The following PAFAH1B2 variants were observed in gnomAD, a reference collection of about 807,000 sequenced individuals.
The protein encoded by PAFAH1B2 is platelet-activating factor acetylhydrolase IB subunit alpha2.
Under a neutral mutation model 28.0 loss-of-function variants are expected in PAFAH1B2, and 8 were observed. That is an observed-to-expected ratio of 0.29 (90% confidence interval 0.17 to 0.52). The LOEUF (loss-of-function observed/expected upper bound fraction) is 0.52, where lower values mean the gene tolerates loss of function less well. Ranked by LOEUF, PAFAH1B2 falls within the 20% of genes least tolerant of loss-of-function variation. The pLI, the probability that PAFAH1B2 is intolerant of heterozygous loss-of-function variation, is 0.97. For synonymous variants in PAFAH1B2, 104 were observed against 103.2 expected (o/e 1.01, Z -0.05); for missense variants, 190 against 282.6 (o/e 0.67, Z 2.35).
chr11:117,150,160 C>T (rs769175960), intron 1 of PAFAH1B2, among the ~76,000 whole-genome samples: 4 of 152,092 alleles, frequency 2.6e-5, no homozygotes, highest in Non-Finnish European at 5.9e-5. Context: ...CAAAACCTCC[C>T]ACATTGTTTA....
chr11:117,156,846 C>A (rs1163008588), intron 2 of PAFAH1B2, among the ~76,000 whole-genome samples: 2 of 151,968 alleles, frequency 1.3e-5, no homozygotes, highest in Admixed American at 6.6e-5. Context: ...AAAACCCCAT[C>A]TTTACAAAAA....
intron 2 of PAFAH1B2, among the ~76,000 whole-genome samples, chr11:117,158,991 G>C (rs1359183968): frequency 6.6e-6 from 1 of 152,172 alleles, no homozygotes. Flanking sequence ...TTGCTGATTA[G>C]GGTGAAGAAT....
In PAFAH1B2 at chr11:117,170,908, G is replaced by A; in HGVS notation, c.*3209G>A. 1 of 1,059,764 alleles carries A rather than the reference G, an allele frequency of 9.4e-7. No individual in the cohort carries two copies. Among genetic ancestry groups the A allele is most frequent in the Non-Finnish European group, 1.1e-6 (1 of 875,780 alleles). The allele number at this position is 1,059,764 out of a possible 1,614,324, so 65.6% of individuals were successfully genotyped here. On this transcript the variant is annotated 3_prime_UTR_variant, in exon 6 of 6. Transcript: ENST00000527958. Reference sequence around the variant, plus strand: ...GTCCCCCAGGTTTCTTGGTGTTCCTGCTTGGGGATCACTGCTGCTAGCTGA... The same window carrying A: ...GTCCCCCAGGTTTCTTGGTGTTCCTACTTGGGGATCACTGCTGCTAGCTGA...
In PAFAH1B2 at chr11:117,161,168, A is replaced by G. The variant is rs143865788; in HGVS notation, c.195A>G (p.Pro65=). 3.8e-6 allele frequency: 6 copies of G among 1,591,184 alleles called. No homozygotes were observed. The highest frequency in any genetic ancestry group is 1.9e-5 in the Admixed American group (1 of 51,906). ...AGATATGGCGAGAGCTTTTTTCCCC[A>G]CTTCATGCACTGAATTTTGGAATTG... ...QYEIWRELFS[P]LHALNFGIGG... is the part of the protein sequence containing the mutation. The change falls in exon 4 of 6, where the codon CCA becomes CCG. Residue 65 remains proline (P), a synonymous_variant. Transcript: ENST00000527958.
chr11:117,146,217 T>A (rs1405984041), intron 1 of PAFAH1B2, among the ~76,000 whole-genome samples: 1 of 150,918 alleles, frequency 6.6e-6, no homozygotes, highest in East Asian at 1.9e-4. Context: ...TGCCTCCCGG[T>A]TCAAGCTTAT....
Position 117,167,941 on chromosome 11 carries a change from C to A in PAFAH1B2, c.*242C>A. On this transcript the variant is annotated 3_prime_UTR_variant, in exon 6 of 6. Transcript: ENST00000527958. ...AAATTCATTTGAAACCAGAAGGGGA[C>A]TTTTTAGTTGTATGTGTAACACATT... The A allele has an allele frequency of 8.8e-7, 1 of 1,139,454 alleles. No individual in the cohort carries two copies. Among genetic ancestry groups the A allele is most frequent in the Non-Finnish European group, 1.1e-6 (1 of 928,728 alleles). 70.6% of individuals were successfully genotyped at this position (1,139,454 alleles called of 1,614,324 possible).
At position 117,144,894 on chromosome 11, in the gene PAFAH1B2, C is replaced by G. The variant is rs116616885; in HGVS notation, c.-8+476C>G. On this transcript the variant is annotated intron_variant, in intron 1 of 5. Coordinates refer to ENST00000527958, the MANE Select transcript of PAFAH1B2 (RefSeq NM_002572.4). ...GGGGTCTAACTTCTCACTCTTCTCT[C>G]CCCTCGCGTCTGGTCGGAGGCCAAA... Among the ~76,000 whole-genome samples the G allele has an allele frequency of 9.7e-3, 1,471 of 152,348 alleles. 25 individuals carry two copies. The highest frequency in any genetic ancestry group is 0.032 in the African/African-American group (1,330 of 41,590).
At chr11:117,165,075 C>A (rs1358564515) in intron 5 of PAFAH1B2, among the ~76,000 whole-genome samples, 1 of 149,846 alleles carries the variant, frequency 6.7e-6, no homozygotes, top group Non-Finnish European at 1.5e-5. Context: ...CCTGCCTCAG[C>A]CTCCCGAGTA....
rs180817545 is a variant in PAFAH1B2 at position 117,148,199 on chromosome 11, G to A, written c.-8+3781G>A. Among the ~76,000 whole-genome samples the A allele has an allele frequency of 2.2e-4, 33 of 151,744 alleles. No individual in the cohort carries two copies. The East Asian group carries it at 6.0e-3, about 28-fold the overall frequency. Reference sequence around the variant, plus strand: ...CCTGAGTAGCTGGGATTACAAGTATGTGCCACCCAACCTGGCTAATCTTTT... The same window carrying A: ...CCTGAGTAGCTGGGATTACAAGTATATGCCACCCAACCTGGCTAATCTTTT... On this transcript the variant is annotated intron_variant, in intron 1 of 5. Transcript: ENST00000527958.
downstream of PAFAH1B2, among the ~76,000 whole-genome samples, chr11:117,174,118 A>G (rs1342446939): frequency 6.7e-6 from 1 of 150,030 alleles, no homozygotes; most frequent in African/African-American, 2.5e-5. Flanking sequence ...TAATCCATTT[A>G]CTGTGATTCT....
At chr11:117,161,506 G>A (rs1956368401) in intron 4 of PAFAH1B2, among the ~76,000 whole-genome samples, 1 of 122,274 alleles carries the variant, frequency 8.2e-6, no homozygotes, top group African/African-American at 3.1e-5. Context: ...TTAAGTTGAA[G>A]GAAGAGTTTT....
exon 6 of PAFAH1B2, chr11:117,176,281 T>G (rs185987379): frequency 1.9e-5 from 7 of 374,898 alleles, no homozygotes; most frequent in African/African-American, 1.0e-4. Context: ...TCAAGTATGC[T>G]GTGCTTGGAC....
chr11:117,153,857 A>G (rs762993471), intron 2 of PAFAH1B2, among the ~76,000 whole-genome samples: 7 of 152,068 alleles, frequency 4.6e-5, no homozygotes, highest in Non-Finnish European at 7.4e-5. Flanking sequence ...TAATATTGAT[A>G]TAATACTATT....
chr11:117,159,159 T>C (rs1288105020), intron 2 of PAFAH1B2, among the ~76,000 whole-genome samples: 1 of 152,258 alleles, frequency 6.6e-6, no homozygotes, highest in African/African-American at 2.4e-5. Flanking sequence ...TCTACAATTT[T>C]CTTAATAAAA....
intron 2 of PAFAH1B2, among the ~76,000 whole-genome samples, chr11:117,159,005 A>C (rs1275755940): frequency 6.6e-6 from 1 of 152,230 alleles, no homozygotes; most frequent in African/African-American, 2.4e-5. Context: ...GAAGAATCAT[A>C]ATGTTTGCAT....
chr11:117,175,347 T>TG (rs2029913479), downstream of PAFAH1B2: 1 of 1,069,210 alleles, frequency 9.4e-7, no homozygotes, highest in South Asian at 4.5e-5. Context: ...TCTCTCCCAG[T>TG]GGACAGACCT....
At chr11:117,151,207 C>T (rs4938349) in intron 1 of PAFAH1B2, among the ~76,000 whole-genome samples, 93,161 of 148,992 alleles carry the variant, frequency 0.63, 31,117 homozygotes, top group Non-Finnish European at 0.76. Context: ...TATTTGGACT[C>T]ATCATTACTA....
Position 117,167,890 on chromosome 11 carries a change from A to G in PAFAH1B2, c.*191A>G. The G allele has an allele frequency of 4.1e-6, 5 of 1,208,450 alleles. No homozygotes were observed. The highest frequency in any genetic ancestry group is 5.2e-6 in the Non-Finnish European group (5 of 970,726). 74.9% of individuals were successfully genotyped at this position (1,208,450 alleles called of 1,614,324 possible). A position where few individuals can be genotyped will look rare whatever the true frequency, so the allele number is the denominator to read the frequency against. ...AGAAGGTTTGTTTGACAGAGGAGAA[A>G]AATTAGCCAAGGAAGATTGTTGTTT... On this transcript the variant is annotated 3_prime_UTR_variant, in exon 6 of 6. Transcript: ENST00000527958.
At position 117,168,326 on chromosome 11, in the gene PAFAH1B2, T is replaced by G; in HGVS notation, c.*627T>G. 1 of 1,064,628 alleles carries G rather than the reference T, an allele frequency of 9.4e-7. No individual in the cohort carries two copies. The highest frequency in any genetic ancestry group is 1.1e-6 in the Non-Finnish European group (1 of 878,782). 65.9% of individuals were successfully genotyped at this position (1,064,628 alleles called of 1,614,324 possible). A position where few individuals can be genotyped will look rare whatever the true frequency, so the allele number is the denominator to read the frequency against. ...AGGTTTTGCCCCAGTAGAGGGATTC[T>G]TTGGAGGGTATTATTTTTTATGCTG... On this transcript the variant is annotated 3_prime_UTR_variant, in exon 6 of 6. Transcript: ENST00000527958.
Sources: allele counts gnomAD v4.1 joint callset (sites outside exome capture counted in the v4.1 genomes callset), GRCh38; gene constraint gnomAD v4.1.1; transcripts MANE v1.5; gene names NCBI Gene and HGNC (gene_info 2026-07-23, HGNC 2026-07-21).